ZSWIM5: variants seen among roughly 807,000 people sequenced by gnomAD.
ZSWIM5 encodes the protein zinc finger SWIM domain-containing protein 5.
Under a neutral mutation model 119.6 loss-of-function variants are expected in ZSWIM5, and 55 were observed. The observed-to-expected ratio is 0.46, with a 90% CI of 0.37 to 0.58. ZSWIM5 has a LOEUF of 0.58. Among genes scored for constraint, ZSWIM5 ranks in the 20% least tolerant of loss-of-function variants. The pLI is 0.00. For synonymous variants in ZSWIM5, 537 were observed against 606.9 expected (o/e 0.88, Z 1.69); for missense variants, 1,193 against 1,512.8 (o/e 0.79, Z 3.51).
intron 2 of ZSWIM5, among the ~76,000 whole-genome samples, chr1:45,062,795 T>C (rs929170827): frequency 4.6e-5 from 7 of 152,164 alleles, no homozygotes; most frequent in South Asian, 2.1e-4. Context: ...TAACCCACCA[T>C]ACCTGGCCGA....
intron 1 of ZSWIM5, among the ~76,000 whole-genome samples, chr1:45,137,914 G>C (rs1645699317): frequency 6.6e-6 from 1 of 152,166 alleles, no homozygotes; most frequent in Admixed American, 6.5e-5. Context: ...GGCAAGGGTA[G>C]GAACAAGGAG....
intron 1 of ZSWIM5, among the ~76,000 whole-genome samples, chr1:45,129,150 C>CTTG (rs1645639015): frequency 8.1e-6 from 1 of 123,482 alleles, no homozygotes; most frequent in African/African-American, 3.0e-5. Flanking sequence ...TCACATACAT[C>CTTG]TTGTTTTTTT....
intron 1 of ZSWIM5, among the ~76,000 whole-genome samples, chr1:45,199,781 G>A (rs1213515516): frequency 3.9e-5 from 6 of 152,148 alleles, no homozygotes; most frequent in South Asian, 4.1e-4. Context: ...GGAAGGCAAC[G>A]TAATGTAGTC....
At chr1:45,165,386 C>G (rs1288194601) in intron 1 of ZSWIM5, among the ~76,000 whole-genome samples, 2 of 152,108 alleles carry the variant, frequency 1.3e-5, no homozygotes, top group East Asian at 3.9e-4. Flanking sequence ...AATTGACACC[C>G]TAACATAACA....
chr1:45,121,396 T>C (rs1645591118), intron 1 of ZSWIM5, among the ~76,000 whole-genome samples: 1 of 152,214 alleles, frequency 6.6e-6, no homozygotes, highest in Non-Finnish European at 1.5e-5. Context: ...GATTCTGTCT[T>C]AAATCGCTGT....
intron 1 of ZSWIM5, among the ~76,000 whole-genome samples, chr1:45,096,710 GAGA>G (rs1158310971): frequency 6.6e-6 from 1 of 152,138 alleles, no homozygotes. Context: ...GCCTTGCCCT[GAGA>G]AGAAGAGATG....
chr1:45,195,631 G>A (rs181133460), intron 1 of ZSWIM5, among the ~76,000 whole-genome samples: 7 of 152,224 alleles, frequency 4.6e-5, no homozygotes, highest in African/African-American at 1.7e-4. Context: ...TTTGATGATA[G>A]TAACAATGAC....
At chr1:45,129,284 G>C (rs1476816810) in intron 1 of ZSWIM5, among the ~76,000 whole-genome samples, 1 of 145,856 alleles carries the variant, frequency 6.9e-6, no homozygotes, top group Non-Finnish European at 1.5e-5. Flanking sequence ...TCAGCCTCCC[G>C]AGTAGCTGGG....
intron 1 of ZSWIM5, among the ~76,000 whole-genome samples, chr1:45,147,332 T>TACGTAGA (rs1645767786): frequency 1.3e-5 from 2 of 152,256 alleles, no homozygotes; most frequent in East Asian, 1.9e-4. Context: ...GCTAAACTTC[T>TACGTAGA]ACGTAGATAC....
chr1:45,090,886 T>G (rs1251927008), intron 1 of ZSWIM5, among the ~76,000 whole-genome samples: 3 of 151,144 alleles, frequency 2.0e-5, no homozygotes, highest in Admixed American at 1.3e-4. Flanking sequence ...AAGCAGCTCC[T>G]CTCCAGACCT....
intron 1 of ZSWIM5, among the ~76,000 whole-genome samples, chr1:45,128,946 G>A (rs1166107217): frequency 6.6e-6 from 1 of 151,980 alleles, no homozygotes; most frequent in Non-Finnish European, 1.5e-5. Flanking sequence ...CAAAGTTCCT[G>A]CATGTCTTCT....
Position 45,087,966 on chromosome 1 carries a change from C to T in ZSWIM5, c.867G>A (p.Thr289=), listed in dbSNP as rs1194317086. Residue 289 remains threonine, a synonymous_variant, in exon 2 of 14, where the codon ACG becomes ACA. Transcript: ENST00000359600. ...TAGGAAGAACTTCAGTGTGGTGTGC[C>T]GTGATTAAATATTGAATAAACTTTT... ...QLQKFIQYLI[T]AHHTEVLPTA... is the part of the protein sequence containing the mutation. 5.6e-6 allele frequency: 9 copies of T among 1,613,954 alleles called. No individual in the cohort carries two copies. The highest frequency in any genetic ancestry group is 2.2e-5 in the South Asian group (2 of 91,066).
At chr1:45,111,429 A>C (rs1645517554) in intron 1 of ZSWIM5, among the ~76,000 whole-genome samples, 1 of 152,090 alleles carries the variant, frequency 6.6e-6, no homozygotes, top group Non-Finnish European at 1.5e-5. Flanking sequence ...GCAACGGAAT[A>C]CACTGAGTGT....
At chr1:45,038,602 G>GTATTTTTTTTTTT (rs1644999570) in intron 8 of ZSWIM5, among the ~76,000 whole-genome samples, 1 of 3,724 alleles carries the variant, frequency 2.7e-4, no homozygotes, top group Non-Finnish European at 8.0e-4. Context: ...GACGAGGGCA[G>GTATTTTTTTTTTT]TCTTTTTTTT....
chr1:45,112,517 A>C (rs1271807296), intron 1 of ZSWIM5, among the ~76,000 whole-genome samples: 1 of 152,196 alleles, frequency 6.6e-6, no homozygotes, highest in Non-Finnish European at 1.5e-5. Context: ...ATTTCTAACT[A>C]TGTTCCCCTG....
At chr1:45,163,527 G>A (rs970385806) in intron 1 of ZSWIM5, among the ~76,000 whole-genome samples, 5 of 152,150 alleles carry the variant, frequency 3.3e-5, no homozygotes, top group African/African-American at 7.2e-5. Context: ...AAACTTCTCC[G>A]AGCTAAAGGA....
At chr1:45,123,316 A>G (rs545939729) in intron 1 of ZSWIM5, among the ~76,000 whole-genome samples, 116 of 147,550 alleles carry the variant, frequency 7.9e-4, no homozygotes, top group African/African-American at 2.9e-3. Context: ...TTTGTCACAA[A>G]GATTTTAAAG....
chr1:45,081,205 TA>T (rs1364135544), intron 2 of ZSWIM5, among the ~76,000 whole-genome samples: 4 of 152,066 alleles, frequency 2.6e-5, no homozygotes, highest in Non-Finnish European at 5.9e-5. Flanking sequence ...TCCAGGTCCA[TA>T]TATTCAACTG....
intron 4 of ZSWIM5, among the ~76,000 whole-genome samples, chr1:45,053,424 C>T (rs1645101364): frequency 6.6e-6 from 1 of 152,030 alleles, no homozygotes. Context: ...GGTGCTAATT[C>T]TAGTCCTGGA....
Sources: gnomAD v4.1 joint callset for allele counts (sites outside exome capture counted in the v4.1 genomes callset) on GRCh38, gnomAD v4.1.1 for gene constraint, MANE v1.5 for transcripts, NCBI Gene and HGNC (gene_info 2026-07-23, HGNC 2026-07-21) for gene names.